NPSR1: variants seen among roughly 807,000 people sequenced by gnomAD.
NPSR1 encodes neuropeptide S receptor 1.
Under a neutral mutation model 46.9 loss-of-function variants are expected in NPSR1, and 48 were observed. That is an observed-to-expected ratio of 1.02 (90% confidence interval 0.81 to 1.30). NPSR1 has a LOEUF of 1.30. Among genes scored for constraint, NPSR1 ranks in the 50% most tolerant of loss-of-function variants. NPSR1 has a pLI of 0.00. For missense variants in NPSR1, 450 were observed against 449.5 expected (o/e 1.00, Z -0.01); for synonymous variants, 176 against 168.1 (o/e 1.05, Z -0.36).
intron 2 of NPSR1, among the ~76,000 whole-genome samples, chr7:34,729,066 C>T (rs1430032127): frequency 2.6e-5 from 4 of 152,174 alleles, no homozygotes; most frequent in Admixed American, 2.0e-4. Context: ...AGTCATCACC[C>T]ACTCAGAGGT....
At chr7:34,865,781 G>A (rs1791299974) in intron 8 of NPSR1, among the ~76,000 whole-genome samples, 1 of 151,694 alleles carries the variant, frequency 6.6e-6, no homozygotes, top group African/African-American at 2.4e-5. Context: ...AGTTAAAGGA[G>A]AAACAGCCCT....
chr7:34,780,688 T>C (rs1787191978), intron 3 of NPSR1, among the ~76,000 whole-genome samples: 2 of 152,024 alleles, frequency 1.3e-5, no homozygotes, highest in Admixed American at 1.3e-4. Context: ...AAGTAATAGC[T>C]CTCATTCATA....
chr7:34,842,716 T>C (rs931346509), intron 6 of NPSR1, among the ~76,000 whole-genome samples: 2 of 152,252 alleles, frequency 1.3e-5, no homozygotes, highest in Non-Finnish European at 2.9e-5. Flanking sequence ...TCCTTTGTAC[T>C]TAAAGAGCCC....
chr7:34,758,296 A>C (rs1466877802), intron 2 of NPSR1: 4 of 152,170 alleles, frequency 2.6e-5, no homozygotes, highest in African/African-American at 9.7e-5. Flanking sequence ...TGTGAAGTTC[A>C]TGGTGTTTCA....
At chr7:34,699,983 T>G (rs1398081502) in intron 2 of NPSR1, among the ~76,000 whole-genome samples, 2 of 152,142 alleles carry the variant, frequency 1.3e-5, no homozygotes, top group Non-Finnish European at 2.9e-5. Context: ...TCACCTTTGA[T>G]GCAGATTACT....
At chr7:34,818,899 A>C (rs886164579) in intron 4 of NPSR1, among the ~76,000 whole-genome samples, 1 of 152,170 alleles carries the variant, frequency 6.6e-6, no homozygotes, top group Non-Finnish European at 1.5e-5. Context: ...CCTTCCTTAC[A>C]CCTTATACGA....
chr7:34,710,533 C>A (rs1243163736), intron 2 of NPSR1, among the ~76,000 whole-genome samples: 3 of 152,100 alleles, frequency 2.0e-5, no homozygotes. Flanking sequence ...AAATGATGGG[C>A]AGGTTTCCCA....
intron 7 of NPSR1, among the ~76,000 whole-genome samples, chr7:34,846,889 A>G (rs1790758279): frequency 6.6e-6 from 1 of 152,232 alleles, no homozygotes; most frequent in African/African-American, 2.4e-5. Flanking sequence ...CATTCAAAGT[A>G]GATACAAATC....
At chr7:34,670,094 G>C (rs944289096) in intron 1 of NPSR1, among the ~76,000 whole-genome samples, 63 of 152,160 alleles carry the variant, frequency 4.1e-4, no homozygotes, top group African/African-American at 1.4e-3. Context: ...AAACTTCAAT[G>C]TGATTGTTTT....
intron 1 of NPSR1, among the ~76,000 whole-genome samples, chr7:34,659,648 A>G (rs1405933733): frequency 6.6e-6 from 1 of 151,842 alleles, no homozygotes; most frequent in African/African-American, 2.4e-5. Flanking sequence ...TGAGCAAACT[A>G]CTCCTCCACT....
At chr7:34,823,404 A>AG (rs200034360) in intron 4 of NPSR1, among the ~76,000 whole-genome samples, 11 of 145,388 alleles carry the variant, frequency 7.6e-5, no homozygotes, top group African/African-American at 3.0e-4. Flanking sequence ...CACCAGAAAA[A>AG]AAAAAAAAAA....
chr7:34,699,391 A>G (rs1426510165), intron 2 of NPSR1, among the ~76,000 whole-genome samples: 1 of 152,256 alleles, frequency 6.6e-6, no homozygotes, highest in Non-Finnish European at 1.5e-5. Flanking sequence ...CAATGCTAAC[A>G]TGCTTTCATA....
At chr7:34,740,765 T>C (rs1307240566) in intron 2 of NPSR1, among the ~76,000 whole-genome samples, 1 of 152,190 alleles carries the variant, frequency 6.6e-6, no homozygotes, top group Non-Finnish European at 1.5e-5. Context: ...GTCTCCTAGG[T>C]CTTGCAGGAA....
chr7:34,696,193 T>C (rs908518288), intron 2 of NPSR1, among the ~76,000 whole-genome samples: 5 of 151,792 alleles, frequency 3.3e-5, no homozygotes, highest in African/African-American at 1.2e-4. Context: ...GAAGCCATTA[T>C]ACTAAGTAAA....
At chr7:34,834,289 C>A in intron 5 of NPSR1, 95 bp from the exon 6 acceptor site, 1 of 877,660 alleles carries the variant, frequency 1.1e-6, no homozygotes, top group South Asian at 1.4e-5. Flanking sequence ...TGTCCCTTCA[C>A]ACCTTGCACT....
chr7:34,799,310 A>G (rs1284898869), intron 3 of NPSR1, among the ~76,000 whole-genome samples: 4 of 152,110 alleles, frequency 2.6e-5, no homozygotes, highest in Non-Finnish European at 5.9e-5. Flanking sequence ...TTAAAACAGG[A>G]ATTCAATACT....
intron 2 of NPSR1, among the ~76,000 whole-genome samples, chr7:34,756,215 G>T (rs898246664): frequency 2.0e-5 from 3 of 152,144 alleles, no homozygotes. Flanking sequence ...TTAATCAAAT[G>T]CTCTTGAACA....
chr7:34,668,603 T>C (rs1791878240), intron 1 of NPSR1, among the ~76,000 whole-genome samples: 1 of 152,194 alleles, frequency 6.6e-6, no homozygotes, highest in African/African-American at 2.4e-5. Context: ...TGGGTTAAAA[T>C]CATAATATTT....
At chr7:34,718,471 G>C (rs1444396750) in intron 2 of NPSR1, among the ~76,000 whole-genome samples, 1 of 152,180 alleles carries the variant, frequency 6.6e-6, no homozygotes, top group Non-Finnish European at 1.5e-5. Context: ...AGGAGGCCCT[G>C]ACCCTACTCA....
Sources: gnomAD v4.1 joint callset for allele counts (sites outside exome capture counted in the v4.1 genomes callset) on GRCh38, gnomAD v4.1.1 for gene constraint, MANE v1.5 for transcripts, NCBI Gene and HGNC (gene_info 2026-07-23, HGNC 2026-07-21) for gene names.